The following CCPG1 variants were observed in gnomAD, a reference collection of about 807,000 sequenced individuals.
The protein encoded by CCPG1 is cell cycle progression protein 1.
Under a neutral mutation model 81.3 loss-of-function variants are expected in CCPG1, and 46 were observed. That is an observed-to-expected ratio of 0.57 (90% CI 0.45 to 0.72). CCPG1 has a LOEUF of 0.72. Among genes scored for constraint, CCPG1 ranks in the 30% least tolerant of loss-of-function variants. CCPG1 has a pLI of 0.00. For synonymous variants in CCPG1, 330 were observed against 305.2 expected (o/e 1.08, Z -0.85); for missense variants, 902 against 937.6 (o/e 0.96, Z 0.50).
intron 1 of CCPG1, among the ~76,000 whole-genome samples, chr15:55,406,386 C>G (rs1432158026): frequency 2.7e-5 from 4 of 149,892 alleles, no homozygotes; most frequent in Non-Finnish European, 4.4e-5. Flanking sequence ...GTTTCACTAT[C>G]TACACTTTTA....
At chr15:55,396,753 A>G (rs1464814609) in intron 1 of CCPG1, among the ~76,000 whole-genome samples, 1 of 152,226 alleles carries the variant, frequency 6.6e-6, no homozygotes, top group Admixed American at 6.5e-5. Context: ...AGTATATGTG[A>G]GCAAAGATTT....
At chr15:55,390,881 T>C (rs2056900848) in intron 1 of CCPG1, among the ~76,000 whole-genome samples, 2 of 152,228 alleles carry the variant, frequency 1.3e-5, no homozygotes, top group African/African-American at 4.8e-5. Flanking sequence ...GAGCATTTTG[T>C]AATAGGCTCA....
At chr15:55,407,497 A>G (rs1414092781) in intron 1 of CCPG1, among the ~76,000 whole-genome samples, 2 of 152,204 alleles carry the variant, frequency 1.3e-5, no homozygotes, top group South Asian at 4.1e-4. Context: ...AGAATGCCCA[A>G]CTGTGTTTTT....
intron 8 of CCPG1, chr15:55,356,805 T>G: frequency 1.0e-6 from 1 of 992,450 alleles, no homozygotes; most frequent in Non-Finnish European, 1.2e-6. Context: ...AGTCTCAACT[T>G]TTTCTTACAG....
chr15:55,369,046 A>T (rs1691834264), intron 6 of CCPG1, among the ~76,000 whole-genome samples: 1 of 152,152 alleles, frequency 6.6e-6, no homozygotes, highest in South Asian at 2.1e-4. Context: ...TGGGAGACGG[A>T]GGTGGCAGTG....
At chr15:55,383,314 T>C (rs561240125) in intron 3 of CCPG1, among the ~76,000 whole-genome samples, 1 of 152,338 alleles carries the variant, frequency 6.6e-6, no homozygotes, top group East Asian at 1.9e-4. Flanking sequence ...CAGTAAACCA[T>C]GTTGTAAACA....
intron 5 of CCPG1, among the ~76,000 whole-genome samples, chr15:55,374,912 GC>G (rs2056531230): frequency 6.6e-6 from 1 of 152,192 alleles, no homozygotes; most frequent in Non-Finnish European, 1.5e-5. Context: ...TAATCTGCCT[GC>G]CTCAGTCTCC....
At position 55,360,582 on chromosome 15, in the gene CCPG1, C is replaced by T. The variant is rs201721870; in HGVS notation, c.1191G>A (p.Arg397=). 1.2e-6 allele frequency: 2 copies of T among 1,614,042 alleles called. No individual in the cohort carries two copies. Among genetic ancestry groups the T allele is most frequent in the South Asian group, 1.1e-5 (1 of 91,086 alleles). ...TACCACTTAACTGCTGGAGTTCCCC[C>T]CTTAAAGCCGTAGTTACTAGTCGTT... ...ERERLVTTAL[R]GELQQLSGSQ... The change falls in exon 8 of 9, where the codon AGG becomes AGA. Residue 397 remains arginine (R), a synonymous_variant. Coordinates refer to ENST00000442196, the MANE Select transcript of CCPG1 (RefSeq NM_001204450.2).
rs529898674 is a variant in CCPG1 at position 55,390,809 on chromosome 15, C to G, written c.-9-1376G>C. ...TAATAGTATAAAAATTAACATGTTT[C>G]AAATGAATTATTCAAAACCTGAAAT... On this transcript the variant is annotated intron_variant, in intron 1 of 8. Transcript: ENST00000442196. Among the ~76,000 whole-genome samples the G allele has an allele frequency of 2.0e-5, 3 of 152,222 alleles. No individual in the cohort carries two copies. In the East Asian group the frequency reaches 5.8e-4, roughly 29 times the overall value.
intron 2 of CCPG1, among the ~76,000 whole-genome samples, chr15:55,386,985 CAGG>C (rs1055051057): frequency 1.3e-5 from 2 of 151,876 alleles, no homozygotes; most frequent in African/African-American, 4.8e-5. Context: ...TCTATAGTGG[CAGG>C]AGAATGGTAG....
chr15:55,376,923 T>TA, intron 5 of CCPG1, 26 bp downstream of exon 5: 1 of 1,547,664 alleles, frequency 6.5e-7, no homozygotes, highest in Non-Finnish European at 8.9e-7. Context: ...TACATGTCTT[T>TA]AAGTCTCTTA....
chr15:55,375,688 CTT>C (rs556670892), intron 5 of CCPG1, among the ~76,000 whole-genome samples: 35 of 139,470 alleles, frequency 2.5e-4, no homozygotes, highest in Admixed American at 3.6e-4. Context: ...AGAATCTCTA[CTT>C]TTTTTTTTTT....
chr15:55,359,670 A>T lies in CCPG1; in HGVS notation c.2103T>A (p.Val701=). ...TTCTAAGATAATCTTTAACATCATT[A>T]ACAAAGTCAGTGAAGAGCTTCTGAT... ...IHDQKLFTDF[V]NDVKDYLRNM... The change falls in exon 8 of 9, where the codon GTT becomes GTA. Residue 701 remains valine, a synonymous_variant. Transcript: ENST00000442196. The T allele has an allele frequency of 6.2e-7, 1 of 1,613,480 alleles. No individual in the cohort carries two copies. The highest frequency in any genetic ancestry group is 1.1e-5 in the South Asian group (1 of 91,028).
chr15:55,370,875 C>CAA (rs1202985818), intron 6 of CCPG1, among the ~76,000 whole-genome samples: 2 of 77,684 alleles, frequency 2.6e-5, no homozygotes, highest in Non-Finnish European at 4.9e-5. Context: ...GACTCCGTCT[C>CAA]AAAAAAAAAG....
intron 1 of CCPG1, among the ~76,000 whole-genome samples, chr15:55,400,568 C>CAA (rs10687314): frequency 0.5 from 75,200 of 151,334 alleles, 19,092 homozygotes; most frequent in African/African-American, 0.57. Flanking sequence ...AAAACAAAAA[C>CAA]AAAACAAAAC....
intron 1 of CCPG1, among the ~76,000 whole-genome samples, chr15:55,406,275 T>C (rs1417775668): frequency 5.3e-5 from 8 of 151,544 alleles, no homozygotes; most frequent in East Asian, 1.9e-4. Context: ...AAAAATGATA[T>C]AGAAACTCTC....
intron 3 of CCPG1, among the ~76,000 whole-genome samples, chr15:55,383,378 A>G (rs1262226292): frequency 6.6e-6 from 1 of 152,192 alleles, no homozygotes; most frequent in Non-Finnish European, 1.5e-5. Context: ...GGCAGAGTAG[A>G]TGTAGCATAT....
chr15:55,400,830 A>T (rs1473719723), intron 1 of CCPG1, among the ~76,000 whole-genome samples: 1 of 152,140 alleles, frequency 6.6e-6, no homozygotes, highest in East Asian at 1.9e-4. Context: ...ATCTATATTC[A>T]TATGTTCACT....
At chr15:55,370,552 A>T (rs1488586837) in intron 6 of CCPG1, among the ~76,000 whole-genome samples, 1 of 152,148 alleles carries the variant, frequency 6.6e-6, no homozygotes, top group Non-Finnish European at 1.5e-5. Context: ...GCACTCTGGG[A>T]GGCTGAGTGG....
Sources: allele counts gnomAD v4.1 joint callset (sites outside exome capture counted in the v4.1 genomes callset), GRCh38; gene constraint gnomAD v4.1.1; transcripts MANE v1.5; gene names NCBI Gene and HGNC (gene_info 2026-07-23, HGNC 2026-07-21).